BSDC1: variants seen among roughly 807,000 people sequenced by gnomAD.
BSDC1 encodes the protein BSD domain containing 1.
Under a neutral mutation model 56.0 loss-of-function variants are expected in BSDC1, and 29 were observed. The observed-to-expected ratio is 0.52, with a 90% CI of 0.39 to 0.71. The LOEUF (loss-of-function observed/expected upper bound fraction) is 0.71, where lower values mean the gene tolerates loss of function less well. Ranked by LOEUF, BSDC1 falls within the 30% of genes least tolerant of loss-of-function variation. BSDC1 has a pLI of 0.00. For synonymous variants in BSDC1, 210 were observed against 215.3 expected (o/e 0.98, Z 0.21); for missense variants, 477 against 548.5 (o/e 0.87, Z 1.30).
At chr1:32,368,162 G>A (rs866643746) in intron 10 of BSDC1, 169 of 1,425,974 alleles carry the variant, frequency 1.2e-4, no homozygotes, top group Middle Eastern at 2.6e-4. Flanking sequence ...GTGAGCCACC[G>A]CGCTCAGCAT....
At chr1:32,389,102 C>G (rs1642775496) in intron 2 of BSDC1, among the ~76,000 whole-genome samples, 1 of 152,070 alleles carries the variant, frequency 6.6e-6, no homozygotes, top group African/African-American at 2.4e-5. Flanking sequence ...CTACAGGCGC[C>G]CGCCACCAAG....
intron 2 of BSDC1, among the ~76,000 whole-genome samples, chr1:32,388,138 T>C (rs1020435665): frequency 2.6e-5 from 4 of 152,158 alleles, no homozygotes; most frequent in African/African-American, 9.7e-5. Context: ...CTGCAAGCCC[T>C]TTCATCTTAC....
intron 1 of BSDC1, 34 bp from the exon 2 acceptor site, chr1:32,394,174 G>A (rs760828136): frequency 2.5e-6 from 4 of 1,598,586 alleles, no homozygotes; most frequent in African/African-American, 1.3e-5. Context: ...CAGCACCGCG[G>A]TGCGATTCCT....
chr1:32,365,296 T>C lies in BSDC1; in HGVS notation c.*1326A>G, dbSNP rs1461093400. 1 of 152,456 alleles carries C rather than the reference T, an allele frequency of 6.6e-6. No individual in the cohort carries two copies. Among genetic ancestry groups the C allele is most frequent in the Non-Finnish European group, 1.5e-5 (1 of 68,020 alleles). 9.4% of individuals were successfully genotyped at this position (152,456 alleles called of 1,614,324 possible). A position where few individuals can be genotyped will look rare whatever the true frequency, so the allele number is the denominator to read the frequency against. On this transcript the variant is annotated 3_prime_UTR_variant, in exon 11 of 11. Coordinates refer to ENST00000455895, the MANE Select transcript of BSDC1 (RefSeq NM_018045.8). ...GCATTATAATTTAAAATATATAATATTGCACAAACAACCAAAAGGTTAATT... is the reference window on the plus strand; with the variant it reads ...GCATTATAATTTAAAATATATAATACTGCACAAACAACCAAAAGGTTAATT...
chr1:32,379,891 T>A (rs1054440491), intron 5 of BSDC1, among the ~76,000 whole-genome samples: 3 of 152,180 alleles, frequency 2.0e-5, no homozygotes, highest in African/African-American at 7.2e-5. Flanking sequence ...TCTATTTCAT[T>A]CTTCACAATG....
chr1:32,387,560 C>T (rs1348613343), intron 2 of BSDC1, among the ~76,000 whole-genome samples: 6 of 152,132 alleles, frequency 3.9e-5, no homozygotes, highest in East Asian at 1.9e-4. Context: ...AGGCTGGTCT[C>T]GAACTCCCAA....
At chr1:32,387,499 G>A (rs868207402) in intron 2 of BSDC1, among the ~76,000 whole-genome samples, 9 of 152,024 alleles carry the variant, frequency 5.9e-5, no homozygotes, top group East Asian at 1.9e-4. Context: ...GCGCCACCAC[G>A]CCCAGCTAAT....
chr1:32,387,649 T>G (rs1024370205), intron 2 of BSDC1, among the ~76,000 whole-genome samples: 1 of 152,146 alleles, frequency 6.6e-6, no homozygotes, highest in African/African-American at 2.4e-5. Flanking sequence ...GGCATGTGAT[T>G]TTTTTTATCA....
At chr1:32,375,802 G>A (rs1035484284) in intron 9 of BSDC1, among the ~76,000 whole-genome samples, 2 of 152,218 alleles carry the variant, frequency 1.3e-5, no homozygotes, top group Non-Finnish European at 2.9e-5. Context: ...GCCAGGGTAA[G>A]GTTAAATTGT....
At chr1:32,368,061 G>A (rs1641916413) in intron 10 of BSDC1, 1 of 1,160,844 alleles carries the variant, frequency 8.6e-7, no homozygotes, top group East Asian at 4.4e-5. Flanking sequence ...AAACAGAAAT[G>A]GGGTCTCACT....
rs1641853318 is a variant in BSDC1, at chr1:32,366,454, G to A, written c.*168C>T. 1.4e-6 allele frequency: 1 copy of A among 739,530 alleles called. No homozygotes were observed. Among genetic ancestry groups the A allele is most frequent in the Non-Finnish European group, 2.4e-6 (1 of 409,728 alleles). The allele number at this position is 739,530 out of a possible 1,614,324, so 45.8% of individuals were successfully genotyped here. On this transcript the variant is annotated 3_prime_UTR_variant, in exon 11 of 11. Transcript: ENST00000455895. Reference sequence around the variant, plus strand: ...GGATTTAGAGAGCCCCTTCCCAGGTGTGAGCAGAGGCCCAAGAGGGCCAGC... The same window carrying A: ...GGATTTAGAGAGCCCCTTCCCAGGTATGAGCAGAGGCCCAAGAGGGCCAGC...
rs549261091 is a variant in BSDC1, at chr1:32,367,259, G to A, written c.1261-605C>T. 143 of 985,458 alleles carry A rather than the reference G, an allele frequency of 1.5e-4. 1 individual carries two copies. The South Asian group carries it at 5.9e-3, about 40-fold the overall frequency. 61.0% of individuals were successfully genotyped at this position (985,458 alleles called of 1,614,324 possible). A position where few individuals can be genotyped will look rare whatever the true frequency, so the allele number is the denominator to read the frequency against. ...TGTTCCTACTCTTGGCCTGCTGTCG[G>A]CTAAGCCCTGGTATAGCAGGTTCTA... On this transcript the variant is annotated intron_variant, in intron 10 of 10. Coordinates refer to ENST00000455895, the MANE Select transcript of BSDC1 (RefSeq NM_018045.8).
Position 32,366,259 on chromosome 1 carries a change from C to T in BSDC1, c.*363G>A, listed in dbSNP as rs183491996. On this transcript the variant is annotated 3_prime_UTR_variant, in exon 11 of 11. Transcript: ENST00000455895. ...CCTCCGAGAGAGACTGGTGGTTTAG[C>T]TTCTGTCTACACAGGCAGAAGGGCT... 6.6e-4 allele frequency: 271 copies of T among 409,044 alleles called. No homozygotes were observed. The highest frequency in any genetic ancestry group is 5.2e-3 in the African/African-American group (255 of 48,662). 25.3% of individuals were successfully genotyped at this position (409,044 alleles called of 1,614,324 possible).
intron 8 of BSDC1, 100 bp from the exon 9 acceptor site, chr1:32,376,841 A>G: frequency 2.4e-6 from 3 of 1,255,122 alleles, no homozygotes; most frequent in Non-Finnish European, 2.0e-6. Flanking sequence ...TACTCTGATC[A>G]AGACTCAAGC....
intron 3 of BSDC1, 50 bp downstream of exon 3, chr1:32,386,729 A>T (rs542656874): frequency 7.0e-7 from 1 of 1,424,534 alleles, no homozygotes; most frequent in Non-Finnish European, 9.9e-7. Context: ...AGCCCAGGAC[A>T]GGACAGGTTG....
chr1:32,390,607 G>A (rs890269135), intron 2 of BSDC1, among the ~76,000 whole-genome samples: 1 of 152,140 alleles, frequency 6.6e-6, no homozygotes, highest in Non-Finnish European at 1.5e-5. Flanking sequence ...TCCAGCAATA[G>A]CTATCCTCAA....
chr1:32,386,809 G>A lies in BSDC1; in HGVS notation c.159C>T (p.Ala53=). ...GCTTCTCCTTGACCACGCTGGCCGT[G>A]GCTGCGATGGTACAGGCCGTGTCAT... ...VQHDTACTIA[A]TASVVKEKLA... is the part of the protein sequence containing the mutation. The change falls in exon 3 of 11, where the codon GCC becomes GCT. Residue 53 remains alanine, a synonymous_variant. Transcript: ENST00000455895. 2 of 1,612,822 alleles carry A rather than the reference G, an allele frequency of 1.2e-6. No individual in the cohort carries two copies. The highest frequency in any genetic ancestry group is 1.7e-6 in the Non-Finnish European group (2 of 1,180,034).
At chr1:32,387,001 G>T (rs1253949341) in intron 2 of BSDC1, 106 bp from the exon 3 acceptor site, 11 of 844,022 alleles carry the variant, frequency 1.3e-5, no homozygotes, top group Non-Finnish European at 1.9e-5. Flanking sequence ...AATCTCCAGC[G>T]GCAGGGGAGC....
chr1:32,388,363 T>A (rs893412160), intron 2 of BSDC1, among the ~76,000 whole-genome samples: 2 of 152,166 alleles, frequency 1.3e-5, no homozygotes, highest in African/African-American at 4.8e-5. Flanking sequence ...TTATTTACTT[T>A]TATTAAAATT....
Sources: gnomAD v4.1 joint callset for allele counts (sites outside exome capture counted in the v4.1 genomes callset) on GRCh38, gnomAD v4.1.1 for gene constraint, MANE v1.5 for transcripts, NCBI Gene and HGNC (gene_info 2026-07-23, HGNC 2026-07-21) for gene names.